The following GNAQ variants were observed in gnomAD, a reference collection of about 807,000 sequenced individuals.
GNAQ encodes G protein subunit alpha q.
In GNAQ, 8 loss-of-function variants were observed where a neutral mutation model predicts 43.9. The observed-to-expected ratio is 0.18, with a 90% confidence interval of 0.11 to 0.33. The LOEUF (loss-of-function observed/expected upper bound fraction) is 0.33, where lower values mean the gene tolerates loss of function less well. GNAQ is among the 10% of genes least tolerant of loss of function. The pLI, the probability that GNAQ is intolerant of heterozygous loss-of-function variation, is 1.00. For synonymous variants in GNAQ, 155 were observed against 170.7 expected (o/e 0.91, Z 0.71); for missense variants, 158 against 450.8 (o/e 0.35, Z 5.88).
At chr9:77,939,873 C>T (rs963189928) in intron 1 of GNAQ, among the ~76,000 whole-genome samples, 2 of 152,010 alleles carry the variant, frequency 1.3e-5, no homozygotes, top group Non-Finnish European at 2.9e-5. Context: ...ATTTCTGCAC[C>T]CTCCCCTTTT....
At chr9:78,014,395 C>G (rs559711175) in intron 1 of GNAQ, among the ~76,000 whole-genome samples, 2 of 152,056 alleles carry the variant, frequency 1.3e-5, no homozygotes, top group Non-Finnish European at 2.9e-5. Flanking sequence ...CAGGCCTAGA[C>G]GGGCAGATCA....
intron 2 of GNAQ, among the ~76,000 whole-genome samples, chr9:77,867,151 G>A (rs908786280): frequency 2.6e-5 from 4 of 152,104 alleles, no homozygotes; most frequent in African/African-American, 9.7e-5. Flanking sequence ...GAGCATCCCA[G>A]CTACAATGCC....
chr9:77,758,806 T>C (rs975116998), intron 5 of GNAQ, among the ~76,000 whole-genome samples: 23 of 152,156 alleles, frequency 1.5e-4, no homozygotes, highest in Admixed American at 1.4e-3. Context: ...GTTCATTTTG[T>C]TTTTTCTAGT....
At chr9:77,848,635 T>C (rs1827623312) in intron 2 of GNAQ, among the ~76,000 whole-genome samples, 3 of 152,212 alleles carry the variant, frequency 2.0e-5, no homozygotes, top group African/African-American at 4.8e-5. Flanking sequence ...GAGATGACAA[T>C]TAATTAGTGT....
chr9:77,870,393 C>T (rs547911257), intron 2 of GNAQ, among the ~76,000 whole-genome samples: 21 of 144,064 alleles, frequency 1.5e-4, no homozygotes, highest in African/African-American at 4.4e-4. Flanking sequence ...TGCAGTGGCG[C>T]GATCTCAGCT....
intron 2 of GNAQ, among the ~76,000 whole-genome samples, chr9:77,877,611 G>T (rs918015827): frequency 6.6e-6 from 1 of 152,044 alleles, no homozygotes; most frequent in Non-Finnish European, 1.5e-5. Flanking sequence ...AACAATTACC[G>T]TAACCTACTT....
At chr9:77,836,054 G>A (rs1220383011) in intron 2 of GNAQ, among the ~76,000 whole-genome samples, 4 of 152,120 alleles carry the variant, frequency 2.6e-5, no homozygotes, top group Admixed American at 1.3e-4. Flanking sequence ...ACTATTCACT[G>A]AATATGCACT....
intron 1 of GNAQ, among the ~76,000 whole-genome samples, chr9:78,003,820 A>AG (rs1001806788): frequency 1.3e-5 from 2 of 152,020 alleles, no homozygotes; most frequent in Non-Finnish European, 2.9e-5. Context: ...TCTAAAAAAA[A>AG]AAAAAAGAAA....
At chr9:77,826,716 G>A (rs1380834307) in intron 2 of GNAQ, among the ~76,000 whole-genome samples, 1 of 152,164 alleles carries the variant, frequency 6.6e-6, no homozygotes, top group African/African-American at 2.4e-5. Flanking sequence ...TCCCTCCAAT[G>A]AGGTAATGAT....
At chr9:77,814,360 T>C (rs1366967175) in intron 3 of GNAQ, among the ~76,000 whole-genome samples, 1 of 152,074 alleles carries the variant, frequency 6.6e-6, no homozygotes, top group African/African-American at 2.4e-5. Context: ...TATGAAGGTA[T>C]GGAAGAAGGA....
intron 1 of GNAQ, among the ~76,000 whole-genome samples, chr9:77,954,748 T>G (rs754476054): frequency 2.0e-5 from 3 of 152,188 alleles, no homozygotes; most frequent in Non-Finnish European, 4.4e-5. Context: ...GAGATCAGAC[T>G]ACACCCACAG....
chr9:77,858,809 C>T (rs1257224704), intron 2 of GNAQ, among the ~76,000 whole-genome samples: 1 of 152,086 alleles, frequency 6.6e-6, no homozygotes, highest in Admixed American at 6.6e-5. Context: ...CTGCAGCTAT[C>T]ACCTGTACAC....
intron 1 of GNAQ, among the ~76,000 whole-genome samples, chr9:78,018,507 A>G (rs952686280): frequency 1.3e-5 from 2 of 152,214 alleles, no homozygotes; most frequent in African/African-American, 4.8e-5. Flanking sequence ...ATAAAAAATA[A>G]TGTAATTAAA....
At chr9:77,941,907 TACACACACACACACACACACAC>T (rs10560776) in intron 1 of GNAQ, among the ~76,000 whole-genome samples, 1 of 140,994 alleles carries the variant, frequency 7.1e-6, no homozygotes, top group African/African-American at 2.6e-5. Context: ...ACAACATACA[TACACACACACACACACACACAC>T]ACACACACAC....
chr9:77,732,515 G>A (rs3780298), intron 5 of GNAQ, among the ~76,000 whole-genome samples: 86,644 of 151,906 alleles, frequency 0.57, 27,455 homozygotes, highest in Non-Finnish European at 0.71. Flanking sequence ...ACAGGTGTCC[G>A]CCACCACACC....
At chr9:77,927,413 C>T (rs1447668913) in intron 1 of GNAQ, among the ~76,000 whole-genome samples, 1 of 152,124 alleles carries the variant, frequency 6.6e-6, no homozygotes, top group Non-Finnish European at 1.5e-5. Context: ...CAAGGCCAAA[C>T]CACATATACA....
rs370933664 is a variant in GNAQ at position 77,815,783 on chromosome 9, A to G, written c.322-13T>C. Reference sequence around the variant, plus strand: ...ATTGTGCATGAGCCTGTTTAAATAAAAAAAGGCAGTTTTAATACCCTATTA... The same window carrying G: ...ATTGTGCATGAGCCTGTTTAAATAAGAAAAGGCAGTTTTAATACCCTATTA... On this transcript the variant is annotated splice_polypyrimidine_tract_variant and intron_variant, in intron 2 of 6. Coordinates refer to ENST00000286548, the MANE Select transcript of GNAQ (RefSeq NM_002072.5). 55 of 1,603,268 alleles carry G rather than the reference A, an allele frequency of 3.4e-5. No homozygotes were observed. In the African/African-American group the frequency reaches 6.3e-4, roughly 18 times the overall value.
At chr9:77,722,139 T>C (rs1825324634) in intron 6 of GNAQ, among the ~76,000 whole-genome samples, 1 of 152,022 alleles carries the variant, frequency 6.6e-6, no homozygotes, top group African/African-American at 2.4e-5. Context: ...ATATTTTCTT[T>C]TCTTTTTTTT....
At chr9:77,904,446 C>A (rs10869987) in intron 2 of GNAQ, among the ~76,000 whole-genome samples, 85,919 of 149,994 alleles carry the variant, frequency 0.57, 26,592 homozygotes, top group South Asian at 0.71. Context: ...CATTCTCCTG[C>A]CTCAGCCTCC....
Sources: allele counts gnomAD v4.1 joint callset (sites outside exome capture counted in the v4.1 genomes callset), GRCh38; gene constraint gnomAD v4.1.1; transcripts MANE v1.5; gene names NCBI Gene and HGNC (gene_info 2026-07-23, HGNC 2026-07-21).